CSMD1: variants seen among roughly 807,000 people sequenced by gnomAD.
The protein encoded by CSMD1 is CUB and sushi domain-containing protein 1.
Under a neutral mutation model 417.5 loss-of-function variants are expected in CSMD1, and 213 were observed. The observed-to-expected ratio is 0.51, with a 90% confidence interval of 0.46 to 0.57. CSMD1 has a LOEUF of 0.57. Ranked by LOEUF, CSMD1 falls within the 20% of genes least tolerant of loss-of-function variation. The pLI is 0.00. For synonymous variants in CSMD1, 2,862 were observed against 1,736.8 expected, an observed-to-expected ratio of 1.65 and a Z score of -16.11; for missense variants, 6,923 against 4,529.7, an observed-to-expected ratio of 1.53 and a Z score of -15.17.
rs186612395 is a variant in CSMD1 at position 4,452,561 on chromosome 8, T to C, written c.303-32496A>G. Among the ~76,000 whole-genome samples, 648 of 152,326 alleles carry C rather than the reference T, an allele frequency of 4.3e-3. 3 individuals carry two copies. The highest frequency in any genetic ancestry group is 6.1e-3 in the Non-Finnish European group (418 of 68,034). ...AAAATAATTCACTTTTTCCAATCAT[T>C]TTTATCAAGAATATTAAACATCAGA... On this transcript the variant is annotated intron_variant, in intron 2 of 69. Coordinates refer to ENST00000635120, the MANE Select transcript of CSMD1 (RefSeq NM_033225.6).
intron 23 of CSMD1, among the ~76,000 whole-genome samples, chr8:3,324,020 A>T (rs1806331894): frequency 1.5e-5 from 2 of 137,862 alleles, no homozygotes; most frequent in South Asian, 2.5e-4. Context: ...GAGACCCAGG[A>T]GGGGGAGTTT....
intron 3 of CSMD1, among the ~76,000 whole-genome samples, chr8:4,083,786 G>T (rs576704939): frequency 6.6e-6 from 1 of 152,152 alleles, no homozygotes; most frequent in South Asian, 2.1e-4. Flanking sequence ...CATGGGCAAG[G>T]ACTTCATGTC....
At chr8:3,831,236 A>C (rs1173290913) in intron 5 of CSMD1, among the ~76,000 whole-genome samples, 1 of 152,188 alleles carries the variant, frequency 6.6e-6, no homozygotes, top group South Asian at 2.1e-4. Context: ...TAAAAAAAAC[A>C]AAGTTTTGAG....
chr8:4,422,089 C>T (rs1442877699), intron 2 of CSMD1, among the ~76,000 whole-genome samples: 1 of 152,048 alleles, frequency 6.6e-6, no homozygotes, highest in Non-Finnish European at 1.5e-5. Flanking sequence ...TTACAACTAA[C>T]CAATGAAAAA....
At chr8:3,937,375 A>G (rs995115344) in intron 5 of CSMD1, among the ~76,000 whole-genome samples, 1 of 152,190 alleles carries the variant, frequency 6.6e-6, no homozygotes, top group African/African-American at 2.4e-5. Flanking sequence ...CTGACGTGGT[A>G]AACTTTACTG....
At chr8:4,628,123 GTATA>G (rs34664052) in intron 2 of CSMD1, among the ~76,000 whole-genome samples, 1 of 148,048 alleles carries the variant, frequency 6.8e-6, no homozygotes, top group Non-Finnish European at 1.5e-5. Context: ...CTGTGTGTGT[GTATA>G]TATATATATA....
chr8:4,304,360 A>G (rs1332381258), intron 3 of CSMD1, among the ~76,000 whole-genome samples: 1 of 152,134 alleles, frequency 6.6e-6, no homozygotes, highest in South Asian at 2.1e-4. Flanking sequence ...ATTCCATTTG[A>G]TTATCAAAGT....
At position 3,428,249 on chromosome 8, in the gene CSMD1, A is replaced by G. The variant is rs569068876; in HGVS notation, c.1562-18644T>C. Among the ~76,000 whole-genome samples the G allele has an allele frequency of 7.9e-4, 121 of 152,208 alleles. 3 individuals are homozygous for G. The South Asian group carries it at 0.011, about 13-fold the overall frequency. On this transcript the variant is annotated intron_variant, in intron 12 of 69. Coordinates refer to ENST00000635120, the MANE Select transcript of CSMD1 (RefSeq NM_033225.6). ...CTGTTAAACACTCGAGGAAGGGGGG[A>G]CCTTAAAAGTCACTTTAGAAAACAA...
At chr8:3,550,744 A>G (rs914156856) in intron 10 of CSMD1, among the ~76,000 whole-genome samples, 3 of 152,146 alleles carry the variant, frequency 2.0e-5, no homozygotes, top group African/African-American at 7.2e-5. Flanking sequence ...AAGAAGCTTC[A>G]TGGCCAACCA....
intron 1 of CSMD1, among the ~76,000 whole-genome samples, chr8:4,944,506 A>T (rs1039570361): frequency 2.6e-5 from 4 of 152,354 alleles, no homozygotes; most frequent in East Asian, 3.9e-4. Flanking sequence ...AAGCTGAAAG[A>T]ACACATCAGA....
rs58743441 is a variant in CSMD1, at chr8:4,071,399, TA to T, written c.416-39301del. 2.8e-3 allele frequency among the ~76,000 whole-genome samples: 424 copies of T among 151,964 alleles called. 1 individual carries two copies. Among genetic ancestry groups the T allele is most frequent in the African/African-American group, 9.5e-3 (394 of 41,428 alleles). On this transcript the variant is annotated intron_variant, in intron 3 of 69. Transcript: ENST00000635120. ...TAAGCCTTTCCAAGTAAACCTACTTTAAAAAAAATTGTAGTTTAGATATTTA... is the reference window on the plus strand; with the variant it reads ...TAAGCCTTTCCAAGTAAACCTACTTTAAAAAAATTGTAGTTTAGATATTTA...
intron 5 of CSMD1, among the ~76,000 whole-genome samples, chr8:3,912,590 T>C (rs1309120701): frequency 6.6e-6 from 1 of 152,060 alleles, no homozygotes; most frequent in Non-Finnish European, 1.5e-5. Context: ...TGAAGCATGA[T>C]AGAAAAGAGA....
At chr8:3,990,849 C>T (rs1201304293) in intron 5 of CSMD1, among the ~76,000 whole-genome samples, 1 of 152,144 alleles carries the variant, frequency 6.6e-6, no homozygotes, top group Non-Finnish European at 1.5e-5. Context: ...TCAGAGAGTG[C>T]AGCTGCCCCT....
intron 51 of CSMD1, among the ~76,000 whole-genome samples, chr8:3,024,229 GAATT>G (rs1809679895): frequency 6.8e-6 from 1 of 146,508 alleles, no homozygotes; most frequent in Admixed American, 7.0e-5. Flanking sequence ...CAGAAAAAAT[GAATT>G]AATGTGTTTA....
chr8:4,943,822 A>G (rs1381704096), intron 1 of CSMD1, among the ~76,000 whole-genome samples: 3 of 152,212 alleles, frequency 2.0e-5, no homozygotes, highest in African/African-American at 7.2e-5. Flanking sequence ...ATTTGACAGC[A>G]TCATTATTCA....
intron 2 of CSMD1, among the ~76,000 whole-genome samples, chr8:4,489,391 C>T (rs1801583557): frequency 6.6e-6 from 1 of 152,196 alleles, no homozygotes; most frequent in Admixed American, 6.5e-5. Flanking sequence ...ATGCAATCCC[C>T]ACCAAAACAT....
chr8:4,805,254 A>G (rs746089561), intron 1 of CSMD1, among the ~76,000 whole-genome samples: 11 of 152,320 alleles, frequency 7.2e-5, no homozygotes, highest in Non-Finnish European at 1.2e-4. Context: ...GCACCTGTCC[A>G]TCTCTTTCAT....
chr8:3,870,372 G>A (rs1585118043), intron 5 of CSMD1, among the ~76,000 whole-genome samples: 1 of 152,096 alleles, frequency 6.6e-6, no homozygotes, highest in African/African-American at 2.4e-5. Context: ...AGTGCCTTAT[G>A]GATACCTCTT....
intron 3 of CSMD1, among the ~76,000 whole-genome samples, chr8:4,085,257 C>T (rs906325791): frequency 2.6e-5 from 4 of 152,032 alleles, no homozygotes; most frequent in African/African-American, 9.7e-5. Flanking sequence ...AGAGCTTCTT[C>T]CCCAAAAATC....
Sources: allele counts gnomAD v4.1 joint callset (sites outside exome capture counted in the v4.1 genomes callset), GRCh38; gene constraint gnomAD v4.1.1; transcripts MANE v1.5; gene names NCBI Gene and HGNC (gene_info 2026-07-23, HGNC 2026-07-21).